The following TTC29 variants were observed in gnomAD, a reference collection of about 807,000 sequenced individuals.
The protein encoded by TTC29 is tetratricopeptide repeat domain 29, also known as tetratricopeptide repeat protein 29.
Under a neutral mutation model 58.1 loss-of-function variants are expected in TTC29, and 49 were observed. That is an observed-to-expected ratio of 0.84 (90% CI 0.67 to 1.07). TTC29 has a LOEUF of 1.07. TTC29 is among the 50% of genes least tolerant of loss of function. TTC29 has a pLI of 0.00. For synonymous variants in TTC29, 209 were observed against 196.8 expected (o/e 1.06, Z -0.52); for missense variants, 582 against 555.6 (o/e 1.05, Z -0.48).
At chr4:146,926,376 G>A (rs762628066) in intron 4 of TTC29, among the ~76,000 whole-genome samples, 8 of 152,168 alleles carry the variant, frequency 5.3e-5, no homozygotes, top group Non-Finnish European at 1.2e-4. Flanking sequence ...AGTAACTGTA[G>A]TAATTCCAGT....
At chr4:146,767,592 G>A (rs1000148773) in intron 11 of TTC29, among the ~76,000 whole-genome samples, 4 of 151,986 alleles carry the variant, frequency 2.6e-5, no homozygotes, top group African/African-American at 9.7e-5. Context: ...TATGTACTCT[G>A]TTAATTCACA....
chr4:146,877,860 T>A (rs1458425721), intron 6 of TTC29, among the ~76,000 whole-genome samples: 2 of 152,134 alleles, frequency 1.3e-5, no homozygotes, highest in African/African-American at 4.8e-5. Context: ...AAATGAGGTA[T>A]AATGATGTAA....
At chr4:146,740,998 A>C (rs972021054) in intron 11 of TTC29, among the ~76,000 whole-genome samples, 1 of 152,226 alleles carries the variant, frequency 6.6e-6, no homozygotes, top group African/African-American at 2.4e-5. Context: ...CTGGAATAAC[A>C]GGCACGAGCC....
At chr4:146,926,722 C>G (rs903121057) in intron 4 of TTC29, among the ~76,000 whole-genome samples, 3 of 152,098 alleles carry the variant, frequency 2.0e-5, no homozygotes, top group Admixed American at 6.6e-5. Context: ...CTCGGCCTCC[C>G]AAAGTGCTGG....
chr4:146,747,872 T>C lies in TTC29; in HGVS notation c.1331-40321A>G, dbSNP rs1032559061. Among the ~76,000 whole-genome samples the C allele has an allele frequency of 2.0e-5, 3 of 152,262 alleles. No homozygotes were observed. In the South Asian group the frequency reaches 6.2e-4, roughly 32 times the overall value. Reference sequence around the variant, plus strand: ...GGCCAAATGGCCCCAGCACCCCACCTACCTGGAACTTGACTAGCTCCCCAT... The same window carrying C: ...GGCCAAATGGCCCCAGCACCCCACCCACCTGGAACTTGACTAGCTCCCCAT... On this transcript the variant is annotated intron_variant, in intron 11 of 12. Coordinates refer to ENST00000325106, the MANE Select transcript of TTC29 (RefSeq NM_031956.4).
chr4:146,902,603 C>T (rs1404014315), intron 6 of TTC29, among the ~76,000 whole-genome samples: 1 of 152,122 alleles, frequency 6.6e-6, no homozygotes, highest in Non-Finnish European at 1.5e-5. Context: ...AAATTCCACC[C>T]ATCTTCCAAG....
At chr4:146,824,904 A>G (rs1484652238) in intron 9 of TTC29, among the ~76,000 whole-genome samples, 1 of 152,120 alleles carries the variant, frequency 6.6e-6, no homozygotes, top group Non-Finnish European at 1.5e-5. Flanking sequence ...TGTTTACCAT[A>G]TTCTCTGTTA....
chr4:146,937,721 T>C (rs2150332139), intron 3 of TTC29, 44 bp from the exon 4 acceptor site: 1 of 1,199,302 alleles, frequency 8.3e-7, no homozygotes, highest in Non-Finnish European at 1.2e-6. Context: ...CCTTATCAAG[T>C]TGAAAAGCTA....
chr4:146,752,192 C>T (rs10027930), intron 11 of TTC29, among the ~76,000 whole-genome samples: 2,113 of 151,482 alleles, frequency 0.014, 56 homozygotes, highest in African/African-American at 0.049. Flanking sequence ...CAAAATCTCC[C>T]TAAGCTGATA....
chr4:146,784,659 A>G (rs989034373), intron 11 of TTC29, among the ~76,000 whole-genome samples: 9 of 152,188 alleles, frequency 5.9e-5, no homozygotes, highest in Non-Finnish European at 8.8e-5. Context: ...CTCAGCATAT[A>G]TTGAATCTGC....
chr4:146,795,701 T>C (rs1250323069), intron 11 of TTC29, among the ~76,000 whole-genome samples: 3 of 152,174 alleles, frequency 2.0e-5, no homozygotes, highest in Non-Finnish European at 4.4e-5. Context: ...CTTTAATGTG[T>C]TCATGTTTTA....
At chr4:146,913,544 G>C (rs535770726) in intron 4 of TTC29, among the ~76,000 whole-genome samples, 3 of 151,954 alleles carry the variant, frequency 2.0e-5, no homozygotes, top group Non-Finnish European at 4.4e-5. Context: ...CCCAAATTAG[G>C]CCAACTGGTC....
intron 10 of TTC29, among the ~76,000 whole-genome samples, chr4:146,818,358 C>G (rs376653185): frequency 4.6e-5 from 7 of 152,152 alleles, no homozygotes; most frequent in Admixed American, 3.9e-4. Flanking sequence ...GGCCATCAGA[C>G]AAATGCAAAT....
At chr4:146,777,012 G>T (rs111788727) in intron 11 of TTC29, among the ~76,000 whole-genome samples, 1 of 152,238 alleles carries the variant, frequency 6.6e-6, no homozygotes, top group East Asian at 1.9e-4. Flanking sequence ...TGGTGGTGGC[G>T]GTGGTGCAGG....
chr4:146,887,793 T>C (rs1732086105), intron 6 of TTC29, among the ~76,000 whole-genome samples: 1 of 152,156 alleles, frequency 6.6e-6, no homozygotes. Flanking sequence ...GCATCTCTTC[T>C]TGGACATCAA....
intron 9 of TTC29, among the ~76,000 whole-genome samples, chr4:146,826,820 TTCC>T (rs377027386): frequency 1.2e-4 from 19 of 152,024 alleles, no homozygotes; most frequent in African/African-American, 4.6e-4. Context: ...TTCATTCCTT[TTCC>T]TCTATTCTTG....
chr4:146,884,512 T>G (rs1488006290), intron 6 of TTC29, among the ~76,000 whole-genome samples: 1 of 152,126 alleles, frequency 6.6e-6, no homozygotes. Context: ...TATTCCATGT[T>G]GTTACTAGGA....
At chr4:146,852,946 T>C (rs1240469414) in intron 8 of TTC29, among the ~76,000 whole-genome samples, 2 of 152,168 alleles carry the variant, frequency 1.3e-5, no homozygotes, top group African/African-American at 4.8e-5. Flanking sequence ...TTTAAATTCT[T>C]TTATTACTTG....
At chr4:146,922,702 C>T (rs1209490017) in intron 4 of TTC29, among the ~76,000 whole-genome samples, 1 of 151,638 alleles carries the variant, frequency 6.6e-6, no homozygotes, top group Non-Finnish European at 1.5e-5. Flanking sequence ...AGTGATGGAG[C>T]TGGTTCATCA....
Sources: allele counts gnomAD v4.1 joint callset (sites outside exome capture counted in the v4.1 genomes callset), GRCh38; gene constraint gnomAD v4.1.1; transcripts MANE v1.5; gene names NCBI Gene and HGNC (gene_info 2026-07-23, HGNC 2026-07-21).